ACCS: variants seen among roughly 807,000 people sequenced by gnomAD.
ACCS encodes the protein 1-aminocyclopropane-1-carboxylate synthase-like protein 1.
Under a neutral mutation model 59.8 loss-of-function variants are expected in ACCS, and 42 were observed. That is an observed-to-expected ratio of 0.70 (90% confidence interval 0.55 to 0.91). The LOEUF is 0.91. ACCS is among the 40% of genes least tolerant of loss of function. ACCS has a pLI of 0.00. For synonymous variants in ACCS, 230 were observed against 240.3 expected (o/e 0.96, Z 0.40); for missense variants, 602 against 630.4 (o/e 0.95, Z 0.48).
intron 12 of ACCS, 54 bp from the exon 13 acceptor site, chr11:44,083,115 A>G: frequency 6.3e-7 from 1 of 1,595,778 alleles, no homozygotes; most frequent in Non-Finnish European, 8.6e-7. Flanking sequence ...GACTAGTGGG[A>G]CCAAGTAGAG....
In ACCS at chr11:44,067,987, A is replaced by C. The variant is rs1009166772; in HGVS notation, c.288+72A>C. 2.7e-6 allele frequency: 4 copies of C among 1,474,386 alleles called. No individual in the cohort carries two copies. In the African/African-American group the frequency reaches 5.7e-5, roughly 21 times the overall value. 91.3% of individuals were successfully genotyped at this position (1,474,386 alleles called of 1,614,324 possible). ...GTGGGGTACCCTACCTTGACCAATA[A>C]GGCAGCATCCAGCCTGCTCTTATGA... On this transcript the variant is annotated intron_variant, in intron 2 of 14. Transcript: ENST00000263776.
chr11:44,069,230 CT>C (rs60673778), intron 2 of ACCS, among the ~76,000 whole-genome samples: 9 of 148,448 alleles, frequency 6.1e-5, no homozygotes, highest in East Asian at 3.9e-4. Context: ...TTTTCTTTTT[CT>C]TTTTTTTTTG....
Position 44,077,334 on chromosome 11 carries a change from C to T in ACCS, c.612C>T (p.Leu204=). The change falls in exon 7 of 15, where the codon CTC becomes CTT. Residue 204 remains leucine, a synonymous_variant. Transcript: ENST00000263776. The part of the protein sequence containing the change: ...YYGAITQHVC[L]YGNIRLAYVY... ...GCGCTATCACACAGCACGTGTGTCT[C>T]TATGGCAACATCCGGCTGGCCTATG... The T allele has an allele frequency of 6.2e-7, 1 of 1,614,206 alleles. No homozygotes were observed. Among genetic ancestry groups the T allele is most frequent in the East Asian group, 2.2e-5 (1 of 44,886 alleles).
At chr11:44,080,785 C>G in intron 10 of ACCS, 1 of 582,398 alleles carries the variant, frequency 1.7e-6, no homozygotes, top group South Asian at 2.0e-5. Context: ...GCTGTGTTCT[C>G]ATTAAACTTT....
Position 44,083,726 on chromosome 11 carries a change from C to A in ACCS, c.1440C>A (p.Gly480=). 6.2e-7 allele frequency: 1 copy of A among 1,614,116 alleles called. No individual in the cohort carries two copies. The highest frequency in any genetic ancestry group is 2.2e-5 in the East Asian group (1 of 44,884). The change falls in exon 15 of 15, where the codon GGC becomes GGA. Residue 480 remains glycine, a synonymous_variant. Coordinates refer to ENST00000263776, the MANE Select transcript of ACCS (RefSeq NM_032592.4). ...AGAGGGTCCAGCAGGTGCTTGCAGG[C>A]AAATCCCAAGTGGCAGAAGACCCCC... ...GMQRVQQVLA[G]KSQVAEDPRP... is the part of the protein sequence containing the mutation.
intron 2 of ACCS, 123 bp from the exon 3 acceptor site, chr11:44,071,133 A>G (rs1953029890): frequency 1.1e-6 from 1 of 946,270 alleles, no homozygotes. Context: ...GCAAGGAGGG[A>G]TGTTTGAAAG....
intron 8 of ACCS, chr11:44,078,459 GT>G: frequency 2.1e-6 from 1 of 469,190 alleles, no homozygotes; most frequent in Non-Finnish European, 3.8e-6. Flanking sequence ...ACCAACAAAG[GT>G]AACCTACTGG....
chr11:44,071,261 C>T lies in ACCS; in HGVS notation c.294C>T (p.Ile98=). ...EYDEDKNPSG[I]INLGTSENKL... ...TCTGTACCTCTCATCTCCAGGGCAT[C>T]ATTAACTTGGGCACCAGTGAGAACA... Residue 98 remains isoleucine, a synonymous_variant, in exon 3 of 15, where the codon ATC becomes ATT. Coordinates refer to ENST00000263776, the MANE Select transcript of ACCS (RefSeq NM_032592.4). 2 of 1,614,152 alleles carry T rather than the reference C, an allele frequency of 1.2e-6. No homozygotes were observed. Among genetic ancestry groups the T allele is most frequent in the Non-Finnish European group, 1.7e-6 (2 of 1,180,004 alleles).
In ACCS at chr11:44,081,196, G is replaced by T. The variant is rs1015296067; in HGVS notation, c.987G>T (p.Gly329=). ...WATSKDFGMS[G]LRFGTLYTEN... The stretch of plus-strand genomic sequence containing the variant: ...TCCTGCAGGACTTCGGGATGTCTGG[G>T]CTCCGCTTTGGCACGCTGTACACAG... The change falls in exon 12 of 15, where the codon GGG becomes GGT. Residue 329 remains glycine, a synonymous_variant. Coordinates refer to ENST00000263776, the MANE Select transcript of ACCS (RefSeq NM_032592.4). 19 of 1,614,252 alleles carry T rather than the reference G, an allele frequency of 1.2e-5. No individual in the cohort carries two copies. The highest frequency in any genetic ancestry group is 1.5e-5 in the Non-Finnish European group (18 of 1,180,046).
chr11:44,074,761 TTTCTTTCTTTCTTTTTC>T, intron 5 of ACCS, 80 bp downstream of exon 5: 1 of 509,056 alleles, frequency 2.0e-6, no homozygotes, highest in Non-Finnish European at 3.0e-6. Context: ...TCTTTCTTTC[TTTCTTTCTTTCTTTTTC>T]TCTCTCTCTC....
chr11:44,073,355 A>G lies in ACCS; in HGVS notation c.349-92A>G, dbSNP rs1953152986. ...TGCCCCTCTCGCAGTTTCTCTGATG[A>G]GCAGAACAAGCGTTCAGCTTTACCT... On this transcript the variant is annotated intron_variant, in intron 3 of 14. Coordinates refer to ENST00000263776, the MANE Select transcript of ACCS (RefSeq NM_032592.4). The G allele has an allele frequency of 1.3e-5, 13 of 1,035,246 alleles. 1 individual carries two copies. The South Asian group carries it at 1.8e-4, about 14-fold the overall frequency. The allele number at this position is 1,035,246 out of a possible 1,614,324, so 64.1% of individuals were successfully genotyped here.
Position 44,083,747 on chromosome 11 carries a change from C to T in ACCS, c.1461C>T (p.Asp487=), listed in dbSNP as rs759185504. The part of the protein sequence containing the change: ...VLAGKSQVAE[D]PRPSQSQEPS... ...CAGGCAAATCCCAAGTGGCAGAAGA[C>T]CCCCGTCCCTCTCAGAGCCAGGAGC... The change falls in exon 15 of 15, where the codon GAC becomes GAT. Residue 487 remains aspartate (D), a synonymous_variant. Transcript: ENST00000263776. 1 of 1,613,984 alleles carries T rather than the reference C, an allele frequency of 6.2e-7. No homozygotes were observed. The highest frequency in any genetic ancestry group is 1.1e-5 in the South Asian group (1 of 91,048).
At chr11:44,074,877 T>C (rs187621425) in intron 5 of ACCS, among the ~76,000 whole-genome samples, 196 bp downstream of exon 5, 161 of 149,914 alleles carry the variant, frequency 1.1e-3, no homozygotes, top group African/African-American at 3.8e-3. Context: ...CAGACTGGAA[T>C]GTAATGGTGC....
At position 44,083,690 on chromosome 11, in the gene ACCS, C is replaced by T. The variant is rs1953744440; in HGVS notation, c.1409-5C>T. Reference sequence around the variant, plus strand: ...GCCAACTGGCCCCTCACTTCCCCTTCCCAGGGATGCAGAGGGTCCAGCAGG... The same window carrying T: ...GCCAACTGGCCCCTCACTTCCCCTTTCCAGGGATGCAGAGGGTCCAGCAGG... On this transcript the variant is annotated splice_region_variant and splice_polypyrimidine_tract_variant and intron_variant, in intron 14 of 14. Transcript: ENST00000263776. The T allele has an allele frequency of 6.2e-6, 10 of 1,614,172 alleles. No homozygotes were observed. Among genetic ancestry groups the T allele is most frequent in the Middle Eastern group, 3.3e-4 (2 of 6,062 alleles).
intron 12 of ACCS, 72 bp downstream of exon 12, chr11:44,081,392 T>C (rs186919978): frequency 8.8e-5 from 139 of 1,583,044 alleles, no homozygotes; most frequent in Admixed American, 4.7e-4. Context: ...CCAGGAATCA[T>C]AGATACTTCT....
intron 3 of ACCS, 139 bp downstream of exon 3, chr11:44,071,454 T>G (rs1953047149): frequency 1.2e-6 from 1 of 832,454 alleles, no homozygotes; most frequent in Non-Finnish European, 1.9e-6. Context: ...CAGGCCTACC[T>G]TGGGACAGTT....
intron 13 of ACCS, 28 bp downstream of exon 13, chr11:44,083,339 A>G: frequency 6.2e-7 from 1 of 1,612,852 alleles, no homozygotes; most frequent in Non-Finnish European, 8.5e-7. Context: ...GCGGGCTGAG[A>G]GGGAGTTTCA....
chr11:44,081,090 G>A (rs771216478), intron 11 of ACCS, 25 bp downstream of exon 11: 57 of 1,614,074 alleles, frequency 3.5e-5, no homozygotes, highest in Non-Finnish European at 4.5e-5. Flanking sequence ...GGCCTTGGGG[G>A]TGTCAGAAGG....
chr11:44,074,409 G>A (rs891278592), intron 4 of ACCS, among the ~76,000 whole-genome samples: 1 of 152,026 alleles, frequency 6.6e-6, no homozygotes, highest in Non-Finnish European at 1.5e-5. Flanking sequence ...TGATTAGGTG[G>A]GGTGGGGTGT....
Sources: allele counts gnomAD v4.1 joint callset (sites outside exome capture counted in the v4.1 genomes callset), GRCh38; gene constraint gnomAD v4.1.1; transcripts MANE v1.5; gene names NCBI Gene and HGNC (gene_info 2026-07-23, HGNC 2026-07-21).